Variants in PDE10A observed in about 807,000 individuals in gnomAD.
The protein encoded by PDE10A is phosphodiesterase 10A.
In PDE10A, 39 loss-of-function variants were observed where a neutral mutation model predicts 97.7. The ratio of observed to expected loss-of-function variants is 0.40; its 90% confidence interval spans 0.31 to 0.52. The LOEUF (loss-of-function observed/expected upper bound fraction) is 0.52, where lower values mean the gene tolerates loss of function less well. Ranked by LOEUF, PDE10A falls within the 20% of genes least tolerant of loss-of-function variation. PDE10A has a pLI of 0.56. For missense variants in PDE10A, 731 were observed against 1,047.8 expected, an observed-to-expected ratio of 0.70 and a Z score of 4.17; for synonymous variants, 371 against 376.8, an observed-to-expected ratio of 0.98 and a Z score of 0.18.
At chr6:165,353,854 T>C (rs1197396558) in intron 18 of PDE10A, among the ~76,000 whole-genome samples, 1 of 152,178 alleles carries the variant, frequency 6.6e-6, no homozygotes, top group African/African-American at 2.4e-5. Context: ...GCCTGCATCC[T>C]AATGTAAACT....
chr6:165,460,194 C>CA (rs1359806587), intron 3 of PDE10A, among the ~76,000 whole-genome samples: 4 of 152,296 alleles, frequency 2.6e-5, no homozygotes, highest in South Asian at 2.1e-4. Context: ...CAAAAGGTCC[C>CA]AACAGGAGCC....
chr6:165,524,800 C>T (rs1232646709), intron 2 of PDE10A, among the ~76,000 whole-genome samples: 2 of 152,124 alleles, frequency 1.3e-5, no homozygotes, highest in Admixed American at 6.5e-5. Context: ...AAAGTGAGGG[C>T]ATTGATTGGA....
chr6:165,399,359 G>A (rs1786444039), intron 13 of PDE10A, among the ~76,000 whole-genome samples: 1 of 152,098 alleles, frequency 6.6e-6, no homozygotes, highest in African/African-American at 2.4e-5. Flanking sequence ...AAAGGACCTA[G>A]AATAGCCAAA....
intron 1 of PDE10A, among the ~76,000 whole-genome samples, chr6:165,601,628 A>C (rs1044219646): frequency 4.6e-5 from 7 of 152,184 alleles, no homozygotes; most frequent in Admixed American, 4.6e-4. Flanking sequence ...CAGCCCCCTG[A>C]AGTTTTCGTG....
intron 18 of PDE10A, among the ~76,000 whole-genome samples, chr6:165,365,712 C>T (rs902492518): frequency 2.0e-5 from 3 of 151,852 alleles, no homozygotes; most frequent in African/African-American, 2.4e-5. Flanking sequence ...AGAGAAAACC[C>T]GGTCTCAAAA....
intron 1 of PDE10A, among the ~76,000 whole-genome samples, chr6:165,960,248 T>A (rs1784315632): frequency 6.6e-6 from 1 of 152,174 alleles, no homozygotes. Context: ...CTGAGTAGCA[T>A]ACAAAGATCA....
intron 1 of PDE10A, among the ~76,000 whole-genome samples, chr6:165,788,518 C>CAAAAAAAAAAAAAAAAAAGAAAAA (rs1778556379): frequency 1.3e-5 from 1 of 74,764 alleles, no homozygotes; most frequent in Non-Finnish European, 2.3e-5. Context: ...AACTCTGTCT[C>CAAAAAAAAAAAAAAAAAAGAAAAA]AAAAAAAAAA....
intron 5 of PDE10A, among the ~76,000 whole-genome samples, chr6:165,436,037 G>A (rs1481607418): frequency 6.6e-6 from 1 of 152,110 alleles, no homozygotes; most frequent in Non-Finnish European, 1.5e-5. Flanking sequence ...AATAGCATCA[G>A]TTATTTTGAC....
intron 7 of PDE10A, among the ~76,000 whole-genome samples, chr6:165,431,911 A>C (rs1789605165): frequency 6.6e-6 from 1 of 152,176 alleles, no homozygotes. Context: ...TAACAAAAAT[A>C]CTATTGAAAA....
At chr6:165,359,275 T>C (rs1038935907) in intron 18 of PDE10A, among the ~76,000 whole-genome samples, 3 of 152,170 alleles carry the variant, frequency 2.0e-5, no homozygotes, top group Admixed American at 1.3e-4. Flanking sequence ...GTATGTCATG[T>C]TATTCCTGTC....
chr6:165,875,740 T>TGTTTTTG (rs1554334704), intron 1 of PDE10A, among the ~76,000 whole-genome samples: 4 of 146,608 alleles, frequency 2.7e-5, no homozygotes, highest in Admixed American at 6.8e-5. Flanking sequence ...TGTTTTTTTT[T>TGTTTTTG]TTTTTTTGTG....
chr6:165,961,740 G>A (rs1784367084), intron 1 of PDE10A, among the ~76,000 whole-genome samples: 1 of 152,178 alleles, frequency 6.6e-6, no homozygotes, highest in Non-Finnish European at 1.5e-5. Context: ...CAGAGCCCCA[G>A]AACAAAACCA....
intron 1 of PDE10A, among the ~76,000 whole-genome samples, chr6:165,648,863 G>A (rs181123042): frequency 2.8e-4 from 43 of 152,302 alleles, no homozygotes; most frequent in East Asian, 1.5e-3. Context: ...AAGGCATTCC[G>A]GGTGGCTTGC....
chr6:165,488,367 T>C (rs1780038033), intron 2 of PDE10A, among the ~76,000 whole-genome samples: 1 of 152,158 alleles, frequency 6.6e-6, no homozygotes, highest in African/African-American at 2.4e-5. Flanking sequence ...GCTAAGGGGA[T>C]TTTATAGTAA....
chr6:165,922,306 C>T (rs1391243355), intron 1 of PDE10A, among the ~76,000 whole-genome samples: 4 of 152,248 alleles, frequency 2.6e-5, no homozygotes, highest in East Asian at 1.9e-4. Flanking sequence ...AACCACTTGG[C>T]GGCACACAGA....
At position 165,933,148 on chromosome 6, in the gene PDE10A, G is replaced by C. The variant is rs142874653; in HGVS notation, c.-615+54381C>G. ...TGGTAAAGTCCCCTCTACCTGTGTG[G>C]TTGGGCAGCAGATGAAGGAAAAATG... On this transcript the variant is annotated intron_variant, in intron 1 of 19. Transcript: ENST00000366882. Among the ~76,000 whole-genome samples, 764 of 152,286 alleles carry C rather than the reference G, an allele frequency of 5.0e-3. 1 individual carries two copies. The highest frequency in any genetic ancestry group is 0.031 in the Middle Eastern group (9 of 294).
intron 13 of PDE10A, among the ~76,000 whole-genome samples, chr6:165,401,218 G>A (rs990190161): frequency 2.0e-5 from 3 of 152,070 alleles, no homozygotes; most frequent in Admixed American, 2.0e-4. Flanking sequence ...CTTTTTAAGG[G>A]TATAGATGTC....
At chr6:165,540,293 A>G (rs2128321022) in intron 2 of PDE10A, among the ~76,000 whole-genome samples, 1 of 152,242 alleles carries the variant, frequency 6.6e-6, no homozygotes, top group East Asian at 1.9e-4. Flanking sequence ...CTGCTGCAAT[A>G]CTCAAATCAA....
At chr6:165,927,219 A>G (rs945267573) in intron 1 of PDE10A, among the ~76,000 whole-genome samples, 1 of 152,144 alleles carries the variant, frequency 6.6e-6, no homozygotes, top group Admixed American at 6.6e-5. Flanking sequence ...AGTATAACTT[A>G]AAAAAAGCAC....
Sources: allele counts gnomAD v4.1 joint callset (sites outside exome capture counted in the v4.1 genomes callset), GRCh38; gene constraint gnomAD v4.1.1; transcripts MANE v1.5; gene names NCBI Gene and HGNC (gene_info 2026-07-23, HGNC 2026-07-21).